Variants in LACTBL1 observed in about 807,000 individuals in gnomAD.
LACTBL1 encodes the protein beta-lactamase-like protein 1.
Under a neutral mutation model 39.6 loss-of-function variants are expected in LACTBL1, and 29 were observed. That is an observed-to-expected ratio of 0.73 (90% confidence interval 0.55 to 1.00). The LOEUF is 1.00. LACTBL1 is among the 50% of genes least tolerant of loss of function. The pLI, the probability that LACTBL1 is intolerant of heterozygous loss-of-function variation, is 0.00. For synonymous variants in LACTBL1, 361 were observed against 360.7 expected (o/e 1.00, Z -0.01); for missense variants, 711 against 748.5 (o/e 0.95, Z 0.59).
Position 22,953,814 on chromosome 1 carries a change from G to A in LACTBL1, c.870C>T (p.Gly290=), listed in dbSNP as rs887828727. Residue 290 remains glycine, a synonymous_variant, in exon 6 of 6, where the codon GGC becomes GGT. Transcript: ENST00000426928. ...ACATCTGGCCCGACGGCCGGTACCA[G>A]CCCAGGTCATAGAGTGGCGCCGGCC... 29 of 1,547,370 alleles carry A rather than the reference G, an allele frequency of 1.9e-5. 1 individual carries two copies. In the African/African-American group the frequency reaches 2.1e-4, roughly 11 times the overall value.
Position 22,955,616 on chromosome 1 carries a change from G to A in LACTBL1, c.554-190C>T, listed in dbSNP as rs538577213. Among the ~76,000 whole-genome samples, 16 of 152,310 alleles carry A rather than the reference G, an allele frequency of 1.1e-4. No individual in the cohort carries two copies. In the East Asian group the frequency reaches 2.9e-3, roughly 28 times the overall value. On this transcript the variant is annotated intron_variant, in intron 4 of 5. Transcript: ENST00000426928. ...TTCCTGCCTGTGTGTCACTGGGCAG[G>A]TCACTGGGCCTCTCTGAGTCCCAGT...
chr1:22,971,587 G>A, the LACTBL1 span, among the ~76,000 whole-genome samples: 2 of 152,072 alleles, frequency 1.3e-5, no homozygotes, highest in Non-Finnish European at 2.9e-5. Context: ...GCCCACTCTG[G>A]GACAACTACT....
At chr1:22,966,996 G>A (rs532006104), upstream of LACTBL1, among the ~76,000 whole-genome samples, 1 of 152,320 alleles carries the variant, frequency 6.6e-6, no homozygotes, top group South Asian at 2.1e-4. Context: ...CACTTTGGGA[G>A]GCCAAGATGG....
At chr1:22,953,699 G>A in exon 6 of LACTBL1, 6 of 1,304,454 alleles carry the variant, frequency 4.6e-6, no homozygotes, top group Non-Finnish European at 5.8e-6. Context: ...GGCGCCAGCA[G>A]CGTCTTGGCC....
At chr1:22,957,524 C>T (rs72873465) in intron 4 of LACTBL1, among the ~76,000 whole-genome samples, 2 of 151,638 alleles carry the variant, frequency 1.3e-5, no homozygotes, top group African/African-American at 4.9e-5. Flanking sequence ...CAACTCAGGG[C>T]GTCATCATGT....
At chr1:22,959,854 G>T in intron 3 of LACTBL1, 88 bp downstream of exon 5, 1 of 1,442,158 alleles carries the variant, frequency 6.9e-7, no homozygotes. Flanking sequence ...CCCCAGCCAT[G>T]ATTCTCTTCA....
At chr1:22,970,220 T>C (rs774658005), upstream of LACTBL1, among the ~76,000 whole-genome samples, 20 of 152,152 alleles carry the variant, frequency 1.3e-4, no homozygotes, top group Non-Finnish European at 2.6e-4. Flanking sequence ...CCTCAATTGG[T>C]GAGTAAATAG....
chr1:22,958,131 G>A (rs1425267276), intron 4 of LACTBL1, among the ~76,000 whole-genome samples: 1 of 152,108 alleles, frequency 6.6e-6, no homozygotes, highest in Non-Finnish European at 1.5e-5. Context: ...TTTAGAGACT[G>A]GATCTTACTA....
At chr1:22,965,463 GGTCA>G (rs1640867738), upstream of LACTBL1, 2 of 1,233,058 alleles carry the variant, frequency 1.6e-6, no homozygotes, top group South Asian at 4.1e-5. Flanking sequence ...TCCCCTTGGG[GGTCA>G]GTCAGAGGGA....
intron 4 of LACTBL1, among the ~76,000 whole-genome samples, chr1:22,957,414 C>A (rs1260548795): frequency 1.3e-5 from 2 of 152,182 alleles, no homozygotes; most frequent in South Asian, 4.1e-4. Context: ...GGGGGACATA[C>A]GTTTTAAATT....
intron 3 of LACTBL1, 139 bp downstream of exon 5, chr1:22,959,803 T>C: frequency 9.8e-7 from 1 of 1,023,332 alleles, no homozygotes; most frequent in Non-Finnish European, 1.4e-6. Context: ...TCCTCTTCTA[T>C]AAAACTGTCA....
upstream of LACTBL1, among the ~76,000 whole-genome samples, chr1:22,967,688 T>A (rs2124242685): frequency 1.3e-5 from 2 of 152,184 alleles, no homozygotes; most frequent in Admixed American, 1.3e-4. Context: ...TATAATGTAA[T>A]GAATCCTTGG....
At chr1:22,963,975 C>T (rs1299099460) in intron 1 of LACTBL1, among the ~76,000 whole-genome samples, 1 of 152,160 alleles carries the variant, frequency 6.6e-6, no homozygotes, top group Non-Finnish European at 1.5e-5. Context: ...GGCTGGAGTA[C>T]AATGGTGCGA....
In LACTBL1 at chr1:22,954,026, TGGAA is replaced by T; in HGVS notation, c.660-6_660-3del. ...AAGGCCAGCGTGCTGTAATGGCATC[TGGAA>T]GGAGAGCAGTGGCAAGTGGGACGGG... On this transcript the variant is annotated splice_polypyrimidine_tract_variant and splice_region_variant and intron_variant, in intron 5 of 5. Transcript: ENST00000426928. 4 of 1,524,434 alleles carry T rather than the reference TGGAA, an allele frequency of 2.6e-6. No individual in the cohort carries two copies. Among genetic ancestry groups the T allele is most frequent in the Non-Finnish European group, 3.5e-6 (4 of 1,131,182 alleles). 94.4% of individuals were successfully genotyped at this position (1,524,434 alleles called of 1,614,324 possible).
intron 4 of LACTBL1, among the ~76,000 whole-genome samples, chr1:22,958,157 C>T (rs1386011748): frequency 1.3e-5 from 2 of 152,148 alleles, no homozygotes; most frequent in Non-Finnish European, 2.9e-5. Context: ...TTAATCATAG[C>T]TCGGTGCAGC....
upstream of LACTBL1, among the ~76,000 whole-genome samples, chr1:22,967,139 C>T (rs992738111): frequency 2.0e-5 from 3 of 151,974 alleles, no homozygotes; most frequent in African/African-American, 4.8e-5. Context: ...GAGGCCAAGG[C>T]GGGTGGATCA....
intron 5 of LACTBL1, 97 bp downstream of exon 7, chr1:22,955,224 C>T: frequency 5.1e-6 from 5 of 983,564 alleles, no homozygotes; most frequent in Non-Finnish European, 7.6e-6. Flanking sequence ...CCCGGCTCTG[C>T]CAACCTAGGA....
At chr1:22,958,605 G>T in intron 4 of LACTBL1, 80 bp downstream of exon 6, 3 of 1,239,168 alleles carry the variant, frequency 2.4e-6, no homozygotes, top group South Asian at 1.5e-5. Context: ...AGTGAGCCCA[G>T]CCTGGCTGGA....
Position 22,953,079 on chromosome 1 carries a change from CAGCACTCTGT to C in LACTBL1, c.1595_1604del (p.Tyr532CysfsTer?). 1 of 1,232,308 alleles carries C rather than the reference CAGCACTCTGT, an allele frequency of 8.1e-7. No homozygotes were observed. The highest frequency in any genetic ancestry group is 1.0e-6 in the Non-Finnish European group (1 of 988,082). The allele number at this position is 1,232,308 out of a possible 1,614,324, so 76.3% of individuals were successfully genotyped here. A position where few individuals can be genotyped will look rare whatever the true frequency, so the allele number is the denominator to read the frequency against. On this transcript the variant is annotated frameshift_variant, in exon 6 of 6. Transcript: ENST00000426928. LOFTEE classifies it high-confidence loss of function. ...TGAACACCGGCTTGCCCCGCAGCCG[CAGCACTCTGT>C]ACGTGTTGAGGCCGGGCACGTCGAA... is the stretch of plus-strand genomic sequence containing the variant.
Sources: gnomAD v4.1 joint callset for allele counts (sites outside exome capture counted in the v4.1 genomes callset) on GRCh38, gnomAD v4.1.1 for gene constraint, MANE v1.5 for transcripts, NCBI Gene and HGNC (gene_info 2026-07-23, HGNC 2026-07-21) for gene names.